HFM1: variants seen among roughly 807,000 people sequenced by gnomAD.
The protein encoded by HFM1 is probable ATP-dependent DNA helicase HFM1.
In HFM1, 169 loss-of-function variants were observed where a neutral mutation model predicts 192.1. That is an observed-to-expected ratio of 0.88 (90% CI 0.78 to 1.00). HFM1 has a LOEUF of 1.00. Ranked by LOEUF, HFM1 falls within the 50% of genes least tolerant of loss-of-function variation. The pLI, the probability that HFM1 is intolerant of heterozygous loss-of-function variation, is 0.00. For missense variants in HFM1, 1,661 were observed against 1,668.0 expected (o/e 1.00, Z 0.07); for synonymous variants, 525 against 537.8 (o/e 0.98, Z 0.33).
At chr1:91,334,540 A>T (rs1264223927) in intron 20 of HFM1, among the ~76,000 whole-genome samples, 1 of 152,162 alleles carries the variant, frequency 6.6e-6, no homozygotes, top group Non-Finnish European at 1.5e-5. Context: ...GGAGTCTGAA[A>T]ATAAGTTATT....
rs542751674 is a variant in HFM1 at position 91,367,966 on chromosome 1, A to C, written c.1685+7392T>G. ...ACTATGTGACGAATGCACAAGCCTC[A>C]GTAGCCGATGTGATCAACTGGAAGA... On this transcript the variant is annotated intron_variant, in intron 13 of 38. Coordinates refer to ENST00000370425, the MANE Select transcript of HFM1 (RefSeq NM_001017975.6). 1.1e-4 allele frequency among the ~76,000 whole-genome samples: 17 copies of C among 152,372 alleles called. 1 individual carries two copies. The South Asian group carries it at 3.5e-3, about 32-fold the overall frequency.
intron 36 of HFM1, among the ~76,000 whole-genome samples, 177 bp from the exon 37 acceptor site, chr1:91,262,769 A>G (rs1665292696): frequency 6.6e-6 from 1 of 152,116 alleles, no homozygotes; most frequent in Non-Finnish European, 1.5e-5. Flanking sequence ...TTTAGACCAA[A>G]CCATAATTTA....
intron 6 of HFM1, among the ~76,000 whole-genome samples, chr1:91,382,142 G>A (rs1485474950): frequency 6.6e-6 from 1 of 152,076 alleles, no homozygotes; most frequent in Non-Finnish European, 1.5e-5. Flanking sequence ...TGCCTAGACT[G>A]TTATTCCTTC....
In HFM1 at chr1:91,266,019, G is replaced by A; in HGVS notation, c.3972C>T (p.Asn1324=). 1 of 1,588,228 alleles carries A rather than the reference G, an allele frequency of 6.3e-7. No homozygotes were observed. Among genetic ancestry groups the A allele is most frequent in the Non-Finnish European group, 8.5e-7 (1 of 1,172,492 alleles). The change falls in exon 36 of 39, where the codon AAC becomes AAT. Residue 1324 remains asparagine (N), a splice_region_variant and synonymous_variant. Transcript: ENST00000370425. ...SKSKFQREMS[N]SFVSSHEMSD... ...CAAACCTAAGTTCTAAAACTTGCCT[G>A]TTTGACATTTCTCTTTGGAATTTGC...
intron 13 of HFM1, among the ~76,000 whole-genome samples, chr1:91,366,297 T>G (rs1411390055): frequency 6.6e-6 from 1 of 152,184 alleles, no homozygotes; most frequent in Non-Finnish European, 1.5e-5. Context: ...CACCAGATAT[T>G]TCTATGTGAA....
intron 19 of HFM1, among the ~76,000 whole-genome samples, chr1:91,345,126 T>C (rs1446327590): frequency 2.0e-5 from 3 of 152,154 alleles, no homozygotes; most frequent in Non-Finnish European, 4.4e-5. Flanking sequence ...AATAAACACA[T>C]TACCTTTTCT....
At chr1:91,397,155 C>T (rs1342486848) in intron 2 of HFM1, among the ~76,000 whole-genome samples, 1 of 152,206 alleles carries the variant, frequency 6.6e-6, no homozygotes, top group Non-Finnish European at 1.5e-5. Flanking sequence ...TAGAGTATTC[C>T]TATAACATTA....
chr1:91,280,179 G>A (rs911367126), intron 30 of HFM1, among the ~76,000 whole-genome samples: 6 of 152,122 alleles, frequency 3.9e-5, no homozygotes, highest in Non-Finnish European at 7.4e-5. Context: ...GTGGTAACAG[G>A]TGAAGCTGTT....
At chr1:91,324,641 C>CT in intron 21 of HFM1, 34 bp downstream of exon 21, 1 of 923,396 alleles carries the variant, frequency 1.1e-6, no homozygotes, top group South Asian at 1.3e-5. Context: ...TACTATACCA[C>CT]TATGTATTTT....
chr1:91,329,520 ATG>A (rs2101482391), intron 20 of HFM1: 4 of 1,503,030 alleles, frequency 2.7e-6, no homozygotes, highest in South Asian at 1.3e-5. Context: ...GGGAAAATAA[ATG>A]TGTTTCCCCA....
At chr1:91,382,707 C>T (rs1661695808) in intron 6 of HFM1, among the ~76,000 whole-genome samples, 1 of 152,184 alleles carries the variant, frequency 6.6e-6, no homozygotes, top group South Asian at 2.1e-4. Flanking sequence ...GTTGGTTTTT[C>T]TCTCATTAGA....
In HFM1 at chr1:91,399,659, C is replaced by CT. The variant is rs138681406; in HGVS notation, c.71+1352dup. Among the ~76,000 whole-genome samples the CT allele has an allele frequency of 4.4e-3, 676 of 152,246 alleles. 6 individuals are homozygous for CT. Among genetic ancestry groups the CT allele is most frequent in the African/African-American group, 0.015 (635 of 41,518 alleles). ...CTATCTCCATTCTTTTTCTCTTGCT[C>CT]TAACACTCTGCCTTCAAATGCCCAC... On this transcript the variant is annotated intron_variant, in intron 2 of 38. Transcript: ENST00000370425.
chr1:91,350,964 C>T, intron 17 of HFM1, 93 bp from the exon 18 acceptor site: 2 of 936,604 alleles, frequency 2.1e-6, no homozygotes, highest in South Asian at 2.4e-5. Context: ...CCCATTGCTA[C>T]TTTACTAATT....
chr1:91,346,271 A>G (rs1015559091), intron 19 of HFM1, among the ~76,000 whole-genome samples: 1 of 152,236 alleles, frequency 6.6e-6, no homozygotes, highest in African/African-American at 2.4e-5. Context: ...ATAAAACATT[A>G]AAGTTATCTG....
In HFM1 at chr1:91,385,310, T is replaced by C. The variant is rs1662066852; in HGVS notation, c.755-76A>G. ...GTCAGAAGCTAGGACCTGAAATGAA[T>C]ATTTTTAACCTTTCCATAAAAACTG... On this transcript the variant is annotated intron_variant, in intron 5 of 38. Coordinates refer to ENST00000370425, the MANE Select transcript of HFM1 (RefSeq NM_001017975.6). 9 of 918,162 alleles carry C rather than the reference T, an allele frequency of 9.8e-6. No homozygotes were observed. The South Asian group carries it at 1.4e-4, about 14-fold the overall frequency. The allele number at this position is 918,162 out of a possible 1,614,324, so 56.9% of individuals were successfully genotyped here. A position where few individuals can be genotyped will look rare whatever the true frequency, so the allele number is the denominator to read the frequency against.
chr1:91,323,099 G>T lies in HFM1; in HGVS notation c.2528C>A (p.Thr843Asn). ...ACATATGTAATTTCTGTACCTGATA[G>T]TTATCCGATTTGGATCTTTGTTCAA... is the stretch of plus-strand genomic sequence containing the variant. ...NTLNKDPNRI[T>N]IRFPMEGRIK... Residue 843 changes from threonine to asparagine, a missense_variant, in exon 22 of 39, where the codon ACT becomes AAT. By Grantham distance (65) the Thr-to-Asn change is moderately conservative (BLOSUM62 0). Coordinates refer to ENST00000370425, the MANE Select transcript of HFM1 (RefSeq NM_001017975.6). 6.6e-7 allele frequency: 1 copy of T among 1,524,466 alleles called. No homozygotes were observed. Among genetic ancestry groups the T allele is most frequent in the Non-Finnish European group, 9.0e-7 (1 of 1,109,432 alleles). 94.4% of individuals were successfully genotyped at this position (1,524,466 alleles called of 1,614,324 possible). A position where few individuals can be genotyped will look rare whatever the true frequency, so the allele number is the denominator to read the frequency against.
intron 29 of HFM1, among the ~76,000 whole-genome samples, chr1:91,313,734 T>C (rs1336314809): frequency 6.6e-6 from 1 of 152,040 alleles, no homozygotes; most frequent in Non-Finnish European, 1.5e-5. Context: ...AAATAAAATA[T>C]CTATAAATGA....
chr1:91,297,266 G>A (rs956732709), intron 30 of HFM1, among the ~76,000 whole-genome samples: 16 of 152,184 alleles, frequency 1.1e-4, no homozygotes, highest in Admixed American at 9.2e-4. Flanking sequence ...CATTGCCGAC[G>A]CTTGAGTAGG....
intron 30 of HFM1, among the ~76,000 whole-genome samples, chr1:91,286,844 T>G (rs1347636936): frequency 2.0e-5 from 3 of 152,168 alleles, no homozygotes; most frequent in African/African-American, 7.2e-5. Context: ...GTTGCCTCAC[T>G]CGGGAAGCGC....
Sources: gnomAD v4.1 joint callset for allele counts (sites outside exome capture counted in the v4.1 genomes callset) on GRCh38, gnomAD v4.1.1 for gene constraint, MANE v1.5 for transcripts, NCBI Gene and HGNC (gene_info 2026-07-23, HGNC 2026-07-21) for gene names.